The following TMCO4 variants were observed in gnomAD, a reference collection of about 807,000 sequenced individuals.
TMCO4 encodes the protein transmembrane and coiled-coil domains 4.
In TMCO4, 58 loss-of-function variants were observed where a neutral mutation model predicts 64.7. That is an observed-to-expected ratio of 0.90 (90% confidence interval 0.73 to 1.12). TMCO4 has a LOEUF of 1.12. Among genes scored for constraint, TMCO4 ranks in the 50% most tolerant of loss-of-function variants. TMCO4 has a pLI of 0.00. For missense variants in TMCO4, 780 were observed against 825.9 expected (o/e 0.94, Z 0.68); for synonymous variants, 325 against 346.1 (o/e 0.94, Z 0.68).
intron 13 of TMCO4, among the ~76,000 whole-genome samples, chr1:19,709,492 G>C (rs1329790954): frequency 6.6e-6 from 1 of 152,176 alleles, no homozygotes; most frequent in Non-Finnish European, 1.5e-5. Context: ...CCGAGTGACA[G>C]TCTCTTCTGC....
Position 19,683,087 on chromosome 1 carries a change from G to A in TMCO4, c.1858C>T (p.Pro620Ser), listed in dbSNP as rs2095114985. The A allele has an allele frequency of 6.2e-7, 1 of 1,608,340 alleles. No individual in the cohort carries two copies. Among genetic ancestry groups the A allele is most frequent in the African/African-American group, 1.3e-5 (1 of 74,804 alleles). ...CCCTGGGTCTTGCAGGCACAATCGGGGCAGCCCAGTGGGTTGGGGTCCATG... is the reference window on the plus strand; with the variant it reads ...CCCTGGGTCTTGCAGGCACAATCGGAGCAGCCCAGTGGGTTGGGGTCCATG... ...HGMDPNPLGC[P>S]DCACKTQGPS... Residue 620 changes from proline to serine, a missense_variant, in exon 16 of 16, where the codon CCC (proline) becomes TCC (serine). Transcript: ENST00000294543.
chr1:19,695,895 G>T (rs1458199547), intron 14 of TMCO4, among the ~76,000 whole-genome samples: 1 of 152,126 alleles, frequency 6.6e-6, no homozygotes, highest in Non-Finnish European at 1.5e-5. Flanking sequence ...AGAAACCAAT[G>T]TCTTGGGTGC....
intron 13 of TMCO4, among the ~76,000 whole-genome samples, chr1:19,731,649 C>G (rs1049655586): frequency 3.3e-5 from 5 of 152,218 alleles, no homozygotes; most frequent in Admixed American, 3.3e-4. Context: ...TGGTGCTGGG[C>G]CAGGCCCTGA....
In TMCO4 at chr1:19,734,929, A is replaced by G. The variant is rs1470106941; in HGVS notation, c.1264+2443T>C. The stretch of plus-strand genomic sequence containing the variant: ...GATCACACTTGCAAGTGCTTGGAAC[A>G]CAGCCTGGCACCCGGTGGATCTGCA... On this transcript the variant is annotated intron_variant, in intron 13 of 15. Transcript: ENST00000294543. This position sits in a 1 kb window ranked among gnomAD's most constrained non-coding sequence, Gnocchi z 4.4. 6.6e-6 allele frequency among the ~76,000 whole-genome samples: 1 copy of G among 152,032 alleles called. No homozygotes were observed. Among genetic ancestry groups the G allele is most frequent in the African/African-American group, 2.4e-5 (1 of 41,392 alleles).
At chr1:19,708,695 A>G (rs1321196227) in intron 13 of TMCO4, among the ~76,000 whole-genome samples, 1 of 152,050 alleles carries the variant, frequency 6.6e-6, no homozygotes, top group Non-Finnish European at 1.5e-5. Context: ...ACCCTCACAG[A>G]GCTTTCTGTT....
chr1:19,711,337 T>C (rs2095329938), intron 13 of TMCO4, among the ~76,000 whole-genome samples: 1 of 152,236 alleles, frequency 6.6e-6, no homozygotes, highest in African/African-American at 2.4e-5. Flanking sequence ...GCATTCACAA[T>C]TTGGCTGTTT....
chr1:19,716,809 C>T (rs141499155), intron 13 of TMCO4, among the ~76,000 whole-genome samples: 1,793 of 152,272 alleles, frequency 0.012, 15 homozygotes, highest in Non-Finnish European at 0.019. Flanking sequence ...TCTCTTGGTG[C>T]AGTTCAACAG....
chr1:19,769,764 C>A (rs1217259703), intron 6 of TMCO4, among the ~76,000 whole-genome samples: 1 of 150,504 alleles, frequency 6.6e-6, no homozygotes, highest in East Asian at 1.9e-4. Context: ...AGGAGGCAGC[C>A]CGCATAGTGG....
chr1:19,772,007 AG>A (rs1255300729), intron 4 of TMCO4, among the ~76,000 whole-genome samples: 1 of 152,182 alleles, frequency 6.6e-6, no homozygotes, highest in Non-Finnish European at 1.5e-5. Context: ...TTTATCAAAG[AG>A]GCTGATAAGC....
intron 13 of TMCO4, among the ~76,000 whole-genome samples, chr1:19,703,687 A>G (rs2095287360): frequency 6.6e-6 from 1 of 151,462 alleles, no homozygotes; most frequent in Non-Finnish European, 1.5e-5. Context: ...AGCTGGGACT[A>G]CAGGCATGCA....
chr1:19,737,400 G>A lies in TMCO4; in HGVS notation c.1236C>T (p.Phe412=). ...TCTCTTGAGCCATCTCCTGCAGACA[G>A]AAGTAGATGACTCTGGCTCCCAGGC... is the stretch of plus-strand genomic sequence containing the variant. ...GFSLGARVIY[F]CLQEMAQEKD... Residue 412 remains phenylalanine, a synonymous_variant, in exon 13 of 16, where the codon TTC becomes TTT. Coordinates refer to ENST00000294543, the MANE Select transcript of TMCO4 (RefSeq NM_181719.7). 3 of 1,613,934 alleles carry A rather than the reference G, an allele frequency of 1.9e-6. No homozygotes were observed. Among genetic ancestry groups the A allele is most frequent in the Non-Finnish European group, 2.5e-6 (3 of 1,179,926 alleles).
Position 19,734,873 on chromosome 1 carries a change from C to T in TMCO4, c.1264+2499G>A, listed in dbSNP as rs1288246811. 6.6e-6 allele frequency among the ~76,000 whole-genome samples: 1 copy of T among 152,188 alleles called. No individual in the cohort carries two copies. The highest frequency in any genetic ancestry group is 2.4e-5 in the African/African-American group (1 of 41,446). On this transcript the variant is annotated intron_variant, in intron 13 of 15. Transcript: ENST00000294543. This position sits in a 1 kb window ranked among gnomAD's most constrained non-coding sequence, Gnocchi z 4.4. ...TGAAGCAGGGAGACTGGTGGAACCT[C>T]CCTCCTGTGGCTGCAGTGAGGGAGG...
At chr1:19,777,227 G>GCCCTCTT (rs1458796885) in intron 4 of TMCO4, among the ~76,000 whole-genome samples, 2 of 151,996 alleles carry the variant, frequency 1.3e-5, no homozygotes, top group Admixed American at 1.3e-4. Flanking sequence ...CCTGCCCTCT[G>GCCCTCTT]CCCTCTTCCT....
rs1338271997 is a variant in TMCO4, at chr1:19,780,755, C to G, written c.4G>C (p.Ala2Pro). M[A>P]MWNRPCQRLP... is the part of the protein sequence containing the mutation. ...CTCTGGCATGGCCTGTTCCACATGG[C>G]CATTCCCAGCGCTGCAGGAGAAAAT... The change falls in exon 4 of 16, where the codon GCC becomes CCC. Residue 2 changes from alanine to proline, a missense_variant. Physicochemically the swap from Ala to Pro is conservative, Grantham distance 27 (BLOSUM62 -1). Transcript: ENST00000294543. 1 of 1,571,314 alleles carries G rather than the reference C, an allele frequency of 6.4e-7. No homozygotes were observed. The highest frequency in any genetic ancestry group is 1.4e-5 in the African/African-American group (1 of 72,346).
intron 4 of TMCO4, among the ~76,000 whole-genome samples, chr1:19,773,114 C>T (rs1356221527): frequency 6.6e-6 from 1 of 152,170 alleles, no homozygotes; most frequent in Non-Finnish European, 1.5e-5. Flanking sequence ...CGCTTGAACC[C>T]AGGGGCGGCG....
intron 15 of TMCO4, among the ~76,000 whole-genome samples, chr1:19,693,173 A>C (rs1202774040): frequency 1.2e-5 from 1 of 80,162 alleles, no homozygotes; most frequent in Non-Finnish European, 2.3e-5. Flanking sequence ...TCAAAAAAAA[A>C]AAAAAAAAAA....
intron 4 of TMCO4, among the ~76,000 whole-genome samples, chr1:19,779,221 G>A (rs116374206): frequency 4.5e-3 from 678 of 152,206 alleles, no homozygotes; most frequent in African/African-American, 0.015. Context: ...TCCTAGTAAC[G>A]GTATCTCAGT....
At chr1:19,716,165 T>TTTTTTA (rs1553131938) in intron 13 of TMCO4, among the ~76,000 whole-genome samples, 1 of 144,902 alleles carries the variant, frequency 6.9e-6, no homozygotes, top group African/African-American at 2.5e-5. Context: ...TTATTTTTAT[T>TTTTTTA]TTATTATTAT....
chr1:19,691,856 G>T (rs2095197553), intron 15 of TMCO4, among the ~76,000 whole-genome samples: 1 of 152,148 alleles, frequency 6.6e-6, no homozygotes, highest in African/African-American at 2.4e-5. Flanking sequence ...CATAGGGGTG[G>T]TTTCCCCCAA....
Sources: gnomAD v4.1 joint callset for allele counts (sites outside exome capture counted in the v4.1 genomes callset) on GRCh38, gnomAD v4.1.1 for gene constraint, Gnocchi (gnomAD v3.1) non-coding constraint, MANE v1.5 for transcripts, NCBI Gene and HGNC (gene_info 2026-07-23, HGNC 2026-07-21) for gene names.